The following ODAD2 variants were observed in gnomAD, a reference collection of about 807,000 sequenced individuals.
ODAD2 encodes outer dynein arm docking complex subunit 2.
A neutral mutation model predicts 106.8 loss-of-function variants in ODAD2; 89 were observed. The ratio of observed to expected loss-of-function variants is 0.83; its 90% CI spans 0.70 to 0.99. The LOEUF is 0.99. ODAD2 is among the 50% of genes least tolerant of loss of function. ODAD2 has a pLI of 0.00. For synonymous variants in ODAD2, 404 were observed against 436.2 expected (o/e 0.93, Z 0.92); for missense variants, 1,168 against 1,238.5 (o/e 0.94, Z 0.85).
At chr10:27,993,044 T>C (rs1850324798) in intron 2 of ODAD2, among the ~76,000 whole-genome samples, 1 of 152,234 alleles carries the variant, frequency 6.6e-6, no homozygotes, top group Admixed American at 6.5e-5. Flanking sequence ...GCCTCCCTAG[T>C]AGCTGAGATT....
chr10:27,970,373 T>C (rs894694547), intron 8 of ODAD2, among the ~76,000 whole-genome samples: 1 of 152,156 alleles, frequency 6.6e-6, no homozygotes, highest in African/African-American at 2.4e-5. Context: ...TTTCGCTGAT[T>C]AGCTCCATAT....
chr10:27,855,837 G>A (rs1839616238), intron 19 of ODAD2, among the ~76,000 whole-genome samples: 1 of 152,104 alleles, frequency 6.6e-6, no homozygotes, highest in Non-Finnish European at 1.5e-5. Flanking sequence ...GTATTTGTCT[G>A]CAATCTCTTC....
Position 27,935,261 on chromosome 10 carries a change from A to T in ODAD2, c.2253-9T>A. The T allele has an allele frequency of 6.2e-7, 1 of 1,612,960 alleles. No homozygotes were observed. The highest frequency in any genetic ancestry group is 8.5e-7 in the Non-Finnish European group (1 of 1,179,182). On this transcript the variant is annotated splice_polypyrimidine_tract_variant and intron_variant, in intron 15 of 19. Coordinates refer to ENST00000305242, the MANE Select transcript of ODAD2 (RefSeq NM_018076.5). ...CTTTGTATTCCCGAAACCTAAGTTC[A>T]TCATAAGAAAGAGGAGAATTGGTTT...
intron 17 of ODAD2, among the ~76,000 whole-genome samples, chr10:27,892,920 G>A (rs575234560): frequency 4.7e-4 from 71 of 152,264 alleles, no homozygotes; most frequent in Admixed American, 1.2e-3. Flanking sequence ...AGGCCGAGGC[G>A]AGCAGATCAC....
At chr10:27,846,935 C>T (rs904794054) in intron 19 of ODAD2, among the ~76,000 whole-genome samples, 1 of 152,102 alleles carries the variant, frequency 6.6e-6, no homozygotes, top group South Asian at 2.1e-4. Flanking sequence ...CAATTAATAG[C>T]CTACCAACCA....
chr10:27,876,529 T>G (rs1396372996), intron 17 of ODAD2, among the ~76,000 whole-genome samples: 2 of 152,224 alleles, frequency 1.3e-5, no homozygotes, highest in East Asian at 1.9e-4. Flanking sequence ...TTTTCTTTAC[T>G]GGGATTCCCT....
At chr10:27,908,971 C>T (rs368534066) in intron 16 of ODAD2, among the ~76,000 whole-genome samples, 1 of 152,074 alleles carries the variant, frequency 6.6e-6, no homozygotes, top group African/African-American at 2.4e-5. Flanking sequence ...GGTTTTCAAA[C>T]CTAAAACTTT....
In ODAD2 at chr10:27,830,957, G is replaced by C. The variant is rs562808714; in HGVS notation, c.3022-18332C>G. 1.0e-3 allele frequency among the ~76,000 whole-genome samples: 159 copies of C among 152,298 alleles called. 1 individual carries two copies. The highest frequency in any genetic ancestry group is 3.6e-3 in the African/African-American group (149 of 41,576). On this transcript the variant is annotated intron_variant, in intron 19 of 19. Transcript: ENST00000305242. ...TTTGGATAAGTTTGGCAGGTGGACAGGTCCTTTTTCCTTTGTTCTATCAGG... is the reference window on the plus strand; with the variant it reads ...TTTGGATAAGTTTGGCAGGTGGACACGTCCTTTTTCCTTTGTTCTATCAGG...
At chr10:27,910,322 C>A (rs925462715) in intron 16 of ODAD2, among the ~76,000 whole-genome samples, 1 of 152,122 alleles carries the variant, frequency 6.6e-6, no homozygotes, top group Non-Finnish European at 1.5e-5. Flanking sequence ...GGAAAAAAGT[C>A]TCCAATGGCT....
At chr10:27,983,690 G>C (rs1387655782) in intron 6 of ODAD2, among the ~76,000 whole-genome samples, 153 bp downstream of exon 6, 1 of 152,044 alleles carries the variant, frequency 6.6e-6, no homozygotes, top group Non-Finnish European at 1.5e-5. Flanking sequence ...AAGCTATTTT[G>C]GATTTGCCCA....
chr10:27,960,735 T>C (rs1588615683), intron 10 of ODAD2, among the ~76,000 whole-genome samples: 4 of 152,224 alleles, frequency 2.6e-5, no homozygotes. Flanking sequence ...GTTTACATTG[T>C]GCAATGATTA....
chr10:27,844,908 A>T (rs970202954), intron 19 of ODAD2, among the ~76,000 whole-genome samples: 1 of 152,182 alleles, frequency 6.6e-6, no homozygotes, highest in Non-Finnish European at 1.5e-5. Flanking sequence ...AGGTGGATCC[A>T]TTATAGTGAA....
At chr10:27,865,190 C>A (rs539478121) in intron 17 of ODAD2, among the ~76,000 whole-genome samples, 1 of 152,290 alleles carries the variant, frequency 6.6e-6, no homozygotes, top group Non-Finnish European at 1.5e-5. Context: ...CAACCTCCCC[C>A]ACATATACCC....
At chr10:27,892,194 G>T (rs1471757684) in intron 17 of ODAD2, among the ~76,000 whole-genome samples, 2 of 152,114 alleles carry the variant, frequency 1.3e-5, no homozygotes, top group Non-Finnish European at 2.9e-5. Context: ...CGAATCTTAG[G>T]ATCTCTGTCC....
chr10:27,997,506 T>C (rs914642088), intron 1 of ODAD2: 54 of 152,194 alleles, frequency 3.5e-4, no homozygotes, highest in African/African-American at 1.3e-3. Context: ...AGTAACTTCT[T>C]GAAGGACCCT....
chr10:27,819,832 TTA>T (rs1491290358), intron 19 of ODAD2, among the ~76,000 whole-genome samples: 1 of 57,246 alleles, frequency 1.7e-5, no homozygotes, highest in African/African-American at 5.4e-5. Flanking sequence ...CCTTATCTCT[TTA>T]AAAAAAAAAA....
chr10:27,998,549 T>G (rs1489556945), intron 1 of ODAD2, among the ~76,000 whole-genome samples: 1 of 147,546 alleles, frequency 6.8e-6, no homozygotes, highest in Non-Finnish European at 1.5e-5. Flanking sequence ...GCCGAGGTAG[T>G]GCAGAGAGGG....
At chr10:27,979,349 A>G (rs1849397264) in intron 7 of ODAD2, among the ~76,000 whole-genome samples, 1 of 151,878 alleles carries the variant, frequency 6.6e-6, no homozygotes, top group Non-Finnish European at 1.5e-5. Flanking sequence ...AGAAATTGCA[A>G]AAGAGTCTAA....
intron 19 of ODAD2, among the ~76,000 whole-genome samples, chr10:27,823,321 C>A (rs1371680708): frequency 6.6e-6 from 1 of 152,076 alleles, no homozygotes; most frequent in African/African-American, 2.4e-5. Flanking sequence ...TTTAGAATTG[C>A]ATTTTGCTAT....
Sources: allele counts gnomAD v4.1 joint callset (sites outside exome capture counted in the v4.1 genomes callset), GRCh38; gene constraint gnomAD v4.1.1; transcripts MANE v1.5; gene names NCBI Gene and HGNC (gene_info 2026-07-23, HGNC 2026-07-21).